SPATA16: variants seen among roughly 807,000 people sequenced by gnomAD.
SPATA16 encodes spermatogenesis-associated protein 16.
Under a neutral mutation model 63.3 loss-of-function variants are expected in SPATA16, and 36 were observed. That is an observed-to-expected ratio of 0.57 (90% CI 0.44 to 0.75). SPATA16 has a LOEUF of 0.75. SPATA16 is among the 30% of genes least tolerant of loss of function. SPATA16 has a pLI of 0.00. For missense variants in SPATA16, 646 were observed against 679.3 expected (o/e 0.95, Z 0.54); for synonymous variants, 203 against 216.7 (o/e 0.94, Z 0.56).
chr3:172,916,594 A>C (rs963246928), intron 8 of SPATA16, 113 bp from the exon 9 acceptor site: 55 of 1,150,864 alleles, frequency 4.8e-5, no homozygotes, highest in Non-Finnish European at 6.6e-5. Context: ...AAATAACGGA[A>C]TCTAGTACAA....
At position 173,012,763 on chromosome 3, in the gene SPATA16, A is replaced by T. The variant is rs139085773; in HGVS notation, c.848+6723T>A. On this transcript the variant is annotated intron_variant, in intron 4 of 10. Coordinates refer to ENST00000351008, the MANE Select transcript of SPATA16 (RefSeq NM_031955.6). ...AAACTGGACCACTACCTTTCACCAT[A>T]CACAAAAATTAACTCAAGATGGATT... Among the ~76,000 whole-genome samples, 422 of 152,378 alleles carry T rather than the reference A, an allele frequency of 2.8e-3. 2 individuals carry two copies. Among genetic ancestry groups the T allele is most frequent in the African/African-American group, 9.6e-3 (401 of 41,596 alleles).
At position 173,031,466 on chromosome 3, in the gene SPATA16, A is replaced by G. The variant is rs529559756; in HGVS notation, c.759-11891T>C. 1.2e-4 allele frequency among the ~76,000 whole-genome samples: 18 copies of G among 152,182 alleles called. No homozygotes were observed. In the East Asian group the frequency reaches 3.1e-3, roughly 26 times the overall value. Reference sequence around the variant, plus strand: ...TCAACTCAAGTATTTCTTGGCCTACAATCAGAAAGATGAGCTTATCCAAAG... The same window carrying G: ...TCAACTCAAGTATTTCTTGGCCTACGATCAGAAAGATGAGCTTATCCAAAG... On this transcript the variant is annotated intron_variant, in intron 3 of 10. Transcript: ENST00000351008.
intron 1 of SPATA16, among the ~76,000 whole-genome samples, chr3:173,127,173 T>G (rs1738248328): frequency 6.6e-6 from 1 of 152,220 alleles, no homozygotes; most frequent in African/African-American, 2.4e-5. Flanking sequence ...CCCTAATGTG[T>G]GTGTGTGTGT....
At chr3:173,050,016 G>T (rs1450100787) in intron 2 of SPATA16, among the ~76,000 whole-genome samples, 3 of 152,054 alleles carry the variant, frequency 2.0e-5, no homozygotes, top group Non-Finnish European at 4.4e-5. Context: ...CTTGCCAGAG[G>T]TAGTAATATT....
chr3:172,943,627 C>T (rs1733211765), intron 6 of SPATA16, among the ~76,000 whole-genome samples: 1 of 152,150 alleles, frequency 6.6e-6, no homozygotes, highest in Non-Finnish European at 1.5e-5. Context: ...GTAATCCCAG[C>T]TACTCGAGAG....
chr3:173,120,423 G>A (rs559483801), intron 1 of SPATA16, among the ~76,000 whole-genome samples: 1 of 152,266 alleles, frequency 6.6e-6, no homozygotes, highest in Admixed American at 6.5e-5. Flanking sequence ...ACAGTAGGCT[G>A]TTAAAAATAT....
chr3:173,137,611 T>G (rs966082719), intron 1 of SPATA16, among the ~76,000 whole-genome samples: 2 of 152,178 alleles, frequency 1.3e-5, no homozygotes, highest in African/African-American at 4.8e-5. Flanking sequence ...GTCTTTTCTT[T>G]CAATCTGGTA....
intron 2 of SPATA16, among the ~76,000 whole-genome samples, chr3:173,103,414 C>G (rs564058335): frequency 2.0e-5 from 3 of 152,356 alleles, no homozygotes; most frequent in Non-Finnish European, 4.4e-5. Flanking sequence ...CCAGGCTTTT[C>G]CATACATCTT....
At chr3:173,062,484 C>T (rs1560110617) in intron 2 of SPATA16, among the ~76,000 whole-genome samples, 2 of 152,110 alleles carry the variant, frequency 1.3e-5, no homozygotes, top group Non-Finnish European at 2.9e-5. Context: ...GACTTAAGCT[C>T]TTTATACATT....
chr3:173,077,634 A>C (rs935608053), intron 2 of SPATA16, among the ~76,000 whole-genome samples: 3 of 152,212 alleles, frequency 2.0e-5, no homozygotes, highest in African/African-American at 7.2e-5. Flanking sequence ...AGAACGGGTG[A>C]TAACTTACTT....
intron 1 of SPATA16, among the ~76,000 whole-genome samples, chr3:173,121,773 C>T (rs1738078848): frequency 6.6e-6 from 1 of 151,982 alleles, no homozygotes; most frequent in South Asian, 2.1e-4. Flanking sequence ...ATGGACTATA[C>T]CTTTGAAAAA....
chr3:173,067,773 G>A lies in SPATA16; in HGVS notation c.613-18679C>T, dbSNP rs139009627. Among the ~76,000 whole-genome samples the A allele has an allele frequency of 2.2e-3, 331 of 152,120 alleles. 4 individuals are homozygous for A. The highest frequency in any genetic ancestry group is 7.6e-3 in the African/African-American group (316 of 41,504). On this transcript the variant is annotated intron_variant, in intron 2 of 10. Coordinates refer to ENST00000351008, the MANE Select transcript of SPATA16 (RefSeq NM_031955.6). ...TCCAGGTACAAGAAAGTCAAAGAAC[G>A]ACAAGCAGATCCAACAGAAATAAGA...
chr3:173,129,511 G>A (rs1420002747), intron 1 of SPATA16, among the ~76,000 whole-genome samples: 1 of 151,906 alleles, frequency 6.6e-6, no homozygotes, highest in Non-Finnish European at 1.5e-5. Flanking sequence ...AGCTATTATG[G>A]TGTTAAATAT....
intron 3 of SPATA16, among the ~76,000 whole-genome samples, chr3:173,029,516 T>C (rs1364584323): frequency 6.6e-6 from 1 of 151,452 alleles, no homozygotes; most frequent in Non-Finnish European, 1.5e-5. Flanking sequence ...CACCTTCACA[T>C]GCACTAGGTT....
At chr3:173,024,081 A>G (rs1735397640) in intron 3 of SPATA16, among the ~76,000 whole-genome samples, 1 of 151,470 alleles carries the variant, frequency 6.6e-6, no homozygotes, top group African/African-American at 2.4e-5. Context: ...GAGAAACACT[A>G]CATGTATGCA....
At chr3:172,956,136 T>C (rs1392115) in intron 6 of SPATA16, among the ~76,000 whole-genome samples, 95,074 of 151,918 alleles carry the variant, frequency 0.63, 30,353 homozygotes, top group African/African-American at 0.74. Flanking sequence ...TGCATGAGAA[T>C]GAGAACAAGT....
chr3:172,917,144 G>A (rs1318357172), intron 8 of SPATA16, among the ~76,000 whole-genome samples: 2 of 152,144 alleles, frequency 1.3e-5, no homozygotes, highest in African/African-American at 4.8e-5. Context: ...GGCATTTTGG[G>A]CTTTGTTAAG....
At chr3:173,109,825 C>A (rs958400754) in intron 2 of SPATA16, among the ~76,000 whole-genome samples, 1 of 152,134 alleles carries the variant, frequency 6.6e-6, no homozygotes, top group African/African-American at 2.4e-5. Context: ...AGGGCAGAAA[C>A]TGTATTTTAT....
chr3:173,015,872 G>C lies in SPATA16; in HGVS notation c.848+3614C>G, dbSNP rs1735172144. The stretch of plus-strand genomic sequence containing the variant: ...GTAGTCCCAAATGGGGTGTGTGTGT[G>C]TGTGTGTGTGTGTGTGTGTGTAAGT... On this transcript the variant is annotated intron_variant, in intron 4 of 10. Transcript: ENST00000351008. 2.0e-5 allele frequency among the ~76,000 whole-genome samples: 3 copies of C among 151,900 alleles called. No individual in the cohort carries two copies. In the South Asian group the frequency reaches 6.2e-4, roughly 32 times the overall value.
Sources: allele counts gnomAD v4.1 joint callset (sites outside exome capture counted in the v4.1 genomes callset), GRCh38; gene constraint gnomAD v4.1.1; transcripts MANE v1.5; gene names NCBI Gene and HGNC (gene_info 2026-07-23, HGNC 2026-07-21).